TTLL4: variants seen among roughly 807,000 people sequenced by gnomAD.
The protein encoded by TTLL4 is tubulin tyrosine ligase like 4, also known as tubulin monoglutamylase TTLL4.
A neutral mutation model predicts 122.7 loss-of-function variants in TTLL4; 85 were observed. The observed-to-expected ratio is 0.69, with a 90% CI of 0.58 to 0.83. The LOEUF (loss-of-function observed/expected upper bound fraction) is 0.83, where lower values mean the gene tolerates loss of function less well. Among genes scored for constraint, TTLL4 ranks in the 40% least tolerant of loss-of-function variants. TTLL4 has a pLI of 0.00. For missense variants in TTLL4, 1,363 were observed against 1,488.6 expected (o/e 0.92, Z 1.39); for synonymous variants, 553 against 563.0 (o/e 0.98, Z 0.25).
At chr2:218,720,687 AAAAAG>A (rs1942009328) in intron 1 of TTLL4, among the ~76,000 whole-genome samples, 2 of 152,112 alleles carry the variant, frequency 1.3e-5, no homozygotes, top group Admixed American at 6.5e-5. Flanking sequence ...AAAAAAAAAA[AAAAAG>A]AAAGAAATAC....
intron 3 of TTLL4, 50 bp from the exon 4 acceptor site, chr2:218,740,008 G>C (rs949519075): frequency 1.3e-6 from 2 of 1,535,234 alleles, no homozygotes; most frequent in East Asian, 4.5e-5. Context: ...ATCTAACTGT[G>C]ACCTCTTTGA....
At chr2:218,724,523 G>A (rs959435078) in intron 1 of TTLL4, among the ~76,000 whole-genome samples, 20 of 152,202 alleles carry the variant, frequency 1.3e-4, no homozygotes, top group Middle Eastern at 6.8e-3. Flanking sequence ...AGAACATGCC[G>A]TATTTGTCTT....
At chr2:218,722,463 T>C (rs1001872964) in intron 1 of TTLL4, among the ~76,000 whole-genome samples, 2 of 151,846 alleles carry the variant, frequency 1.3e-5, no homozygotes, top group African/African-American at 2.4e-5. Flanking sequence ...TAGGGAATGA[T>C]TGGGGTAGGA....
intron 18 of TTLL4, 58 bp downstream of exon 18, chr2:218,753,243 A>G (rs1943073146): frequency 1.3e-6 from 2 of 1,588,966 alleles, no homozygotes; most frequent in Non-Finnish European, 1.7e-6. Context: ...CCTCTGCCTT[A>G]TGAGTGCAGC....
At chr2:218,737,467 T>C (rs1942556845) in intron 2 of TTLL4, 112 bp from the exon 3 acceptor site, 1 of 519,852 alleles carries the variant, frequency 1.9e-6, no homozygotes, top group South Asian at 3.4e-5. Context: ...CGACCAAGAC[T>C]GGTTGCCCAA....
chr2:218,738,795 C>T lies in TTLL4; in HGVS notation c.1119C>T (p.Leu373=). Residue 373 remains leucine, a synonymous_variant, in exon 3 of 20, where the codon CTC becomes CTT. Transcript: ENST00000392102. ...ACCCCAGCTTCCAGTGGAATGTCCT[C>T]AACAGGAGCAGGCGGTGGAAACCTC... ...FLNPSFQWNV[L]NRSRRWKPPA... The T allele has an allele frequency of 6.2e-7, 1 of 1,614,178 alleles. No individual in the cohort carries two copies. Among genetic ancestry groups the T allele is most frequent in the East Asian group, 2.2e-5 (1 of 44,886 alleles).
intron 1 of TTLL4, among the ~76,000 whole-genome samples, chr2:218,712,213 T>G (rs1002989938): frequency 1.5e-4 from 23 of 151,540 alleles, no homozygotes; most frequent in Non-Finnish European, 2.2e-4. Flanking sequence ...ATAGAAAGAG[T>G]GAAGTTAATA....
intron 5 of TTLL4, among the ~76,000 whole-genome samples, chr2:218,742,605 T>C (rs1942731543): frequency 6.6e-6 from 1 of 152,228 alleles, no homozygotes; most frequent in African/African-American, 2.4e-5. Context: ...CCAGGTCTCT[T>C]GAGGAGAAGT....
chr2:218,755,792 G>C (rs1383022657), downstream of TTLL4, among the ~76,000 whole-genome samples: 1 of 152,178 alleles, frequency 6.6e-6, no homozygotes, highest in African/African-American at 2.4e-5. Context: ...TGGAAAGATA[G>C]AGACTTCTGT....
intron 2 of TTLL4, among the ~76,000 whole-genome samples, chr2:218,727,759 CA>C (rs1241566314): frequency 6.6e-6 from 1 of 151,970 alleles, no homozygotes; most frequent in Non-Finnish European, 1.5e-5. Context: ...AAAAAACAAA[CA>C]AAAAAACCCT....
chr2:218,746,745 A>G (rs1942854170), intron 8 of TTLL4: 3 of 515,000 alleles, frequency 5.8e-6, no homozygotes, highest in African/African-American at 5.7e-5. Flanking sequence ...TTCATGGATA[A>G]AGATGTAATA....
chr2:218,730,309 TCCAAAAAAAAAAAAAAAAAAAAA>T (rs879158950), intron 2 of TTLL4, among the ~76,000 whole-genome samples: 790 of 76,518 alleles, frequency 0.01, 46 homozygotes, highest in African/African-American at 0.033. Flanking sequence ...TTACTAAAAA[TCCAAAAAAAAAAAAAAAAAAAAA>T]AAAAAAAAAA....
intron 1 of TTLL4, among the ~76,000 whole-genome samples, chr2:218,721,577 C>T (rs893105699): frequency 6.6e-6 from 1 of 152,142 alleles, no homozygotes. Flanking sequence ...GTGCCTCACA[C>T]ATTTTGATGA....
At chr2:218,714,655 A>G (rs369921686) in intron 1 of TTLL4, among the ~76,000 whole-genome samples, 96 of 152,166 alleles carry the variant, frequency 6.3e-4, no homozygotes, top group African/African-American at 2.0e-3. Flanking sequence ...CTAGACCGGC[A>G]GTGCTCAGAG....
rs1282741509 is a variant in TTLL4 at position 218,754,772 on chromosome 2, T to C, written c.*383T>C. ...TCAAGAGGAGAAAACATACAGAACA[T>C]ATTTGGACCGGAAATCCTTTGTTCT... On this transcript the variant is annotated 3_prime_UTR_variant, in exon 20 of 20. Coordinates refer to ENST00000392102, the MANE Select transcript of TTLL4 (RefSeq NM_014640.5). 3 of 233,816 alleles carry C rather than the reference T, an allele frequency of 1.3e-5. No homozygotes were observed. Among genetic ancestry groups the C allele is most frequent in the Non-Finnish European group, 2.5e-5 (3 of 118,988 alleles). 14.5% of individuals were successfully genotyped at this position (233,816 alleles called of 1,614,324 possible).
At chr2:218,756,650 A>G (rs691746), downstream of TTLL4, among the ~76,000 whole-genome samples, 1,181 of 152,314 alleles carry the variant, frequency 7.8e-3, 10 homozygotes, top group African/African-American at 0.027. Context: ...AATTTTTGAG[A>G]AGGAATGAGA....
intron 2 of TTLL4, among the ~76,000 whole-genome samples, chr2:218,734,600 TGTAAG>T (rs774449313): frequency 6.6e-6 from 1 of 152,100 alleles, no homozygotes; most frequent in Non-Finnish European, 1.5e-5. Flanking sequence ...GAACAGCACT[TGTAAG>T]GGAATGAAGA....
rs148148927 is a variant in TTLL4 at position 218,738,034 on chromosome 2, C to T, written c.358C>T (p.Arg120Cys). ...DLFNSTLLYR[R>C]SSYRQKPYQQ... Reference sequence around the variant, plus strand: ...GTTCAACAGCACCCTGCTATACCGCCGCTCCAGCTATAGGCAAAAACCGTA... The same window carrying T: ...GTTCAACAGCACCCTGCTATACCGCTGCTCCAGCTATAGGCAAAAACCGTA... The change falls in exon 3 of 20, where the codon CGC becomes TGC. Residue 120 changes from arginine (R) to cysteine (C), a missense_variant. By Grantham distance (180) the Arg-to-Cys change is radical (BLOSUM62 -3). Around this residue, in one of 3 missense-constraint regions of TTLL4, gnomAD observed 760 missense variants for 808.4 expected, o/e 0.94. Transcript: ENST00000392102. 1.1e-4 allele frequency: 183 copies of T among 1,614,006 alleles called. No individual in the cohort carries two copies. The highest frequency in any genetic ancestry group is 1.0e-4 in the Non-Finnish European group (119 of 1,180,038).
At chr2:218,730,145 A>G (rs1241672648) in intron 2 of TTLL4, among the ~76,000 whole-genome samples, 6 of 151,886 alleles carry the variant, frequency 4.0e-5, no homozygotes, top group Non-Finnish European at 8.8e-5. Context: ...TGCCATGTCA[A>G]ACTGCTTAGA....
Sources: gnomAD v4.1 joint callset for allele counts (sites outside exome capture counted in the v4.1 genomes callset) on GRCh38, gnomAD v4.1.1 for gene constraint, gnomAD v4.1.1 regional missense constraint, MANE v1.5 for transcripts, NCBI Gene and HGNC (gene_info 2026-07-23, HGNC 2026-07-21) for gene names.